Variants in ATG7 observed in about 807,000 individuals in gnomAD.
The protein encoded by ATG7 is autophagy related 7.
In ATG7, 70 loss-of-function variants were observed where a neutral mutation model predicts 82.4. The observed-to-expected ratio is 0.85, with a 90% CI of 0.70 to 1.04. The LOEUF is 1.04. Ranked by LOEUF, ATG7 falls within the 50% of genes least tolerant of loss-of-function variation. ATG7 has a pLI of 0.00. For missense variants in ATG7, 792 were observed against 864.3 expected, an observed-to-expected ratio of 0.92 and a Z score of 1.05; for synonymous variants, 287 against 313.0, an observed-to-expected ratio of 0.92 and a Z score of 0.88.
intron 20 of ATG7, among the ~76,000 whole-genome samples, chr3:11,478,418 C>G (rs1452335294): frequency 1.3e-5 from 2 of 152,084 alleles, no homozygotes; most frequent in African/African-American, 4.8e-5. Flanking sequence ...AGGACAAGGT[C>G]CTGAAGAGAT....
At chr3:11,356,716 T>A (rs1367367443) in intron 14 of ATG7, among the ~76,000 whole-genome samples, 1 of 152,208 alleles carries the variant, frequency 6.6e-6, no homozygotes, top group Non-Finnish European at 1.5e-5. Context: ...GTCAGTAAGG[T>A]ATTGCAGGTA....
intron 9 of ATG7, among the ~76,000 whole-genome samples, chr3:11,317,648 A>C (rs935163656): frequency 6.3e-5 from 9 of 142,896 alleles, no homozygotes; most frequent in Non-Finnish European, 1.0e-4. Flanking sequence ...GCTGAAGTAC[A>C]GTGGCACGAT....
intron 18 of ATG7, among the ~76,000 whole-genome samples, chr3:11,365,404 A>T (rs2152819194): frequency 6.6e-6 from 1 of 152,348 alleles, no homozygotes; most frequent in Middle Eastern, 3.4e-3. Context: ...GGGAGTAAAA[A>T]GAAAAAGGCA....
chr3:11,514,777 A>C (rs2092211232), intron 20 of ATG7, among the ~76,000 whole-genome samples: 1 of 152,220 alleles, frequency 6.6e-6, no homozygotes, highest in Admixed American at 6.5e-5. Context: ...CACAAGGAGA[A>C]AAGAAAGAGA....
chr3:11,562,767 G>C, the ATG7 span, among the ~76,000 whole-genome samples: 3 of 152,284 alleles, frequency 2.0e-5, no homozygotes, highest in African/African-American at 7.2e-5. Context: ...TGACAGCTCC[G>C]GTCAGGGCCA....
intron 20 of ATG7, among the ~76,000 whole-genome samples, chr3:11,478,908 T>G (rs2088575252): frequency 1.3e-5 from 2 of 151,990 alleles, no homozygotes; most frequent in East Asian, 3.9e-4. Context: ...ATATTTAAGC[T>G]CTGGGTAACT....
At chr3:11,461,667 C>A (rs1205659874) in intron 20 of ATG7, among the ~76,000 whole-genome samples, 1 of 152,046 alleles carries the variant, frequency 6.6e-6, no homozygotes, top group Admixed American at 6.6e-5. Context: ...TAATTAACCC[C>A]CAGAAACAGA....
chr3:11,547,012 G>A (rs1021872213), intron 20 of ATG7, among the ~76,000 whole-genome samples: 7 of 152,330 alleles, frequency 4.6e-5, no homozygotes, highest in Admixed American at 1.3e-4. Flanking sequence ...CTGTCCTTTC[G>A]GCTGCCCAGG....
chr3:11,381,821 C>T (rs924463999), intron 19 of ATG7, among the ~76,000 whole-genome samples: 1 of 152,184 alleles, frequency 6.6e-6, no homozygotes, highest in Admixed American at 6.5e-5. Context: ...TTCATTGGTG[C>T]ACGTATTTCC....
chr3:11,513,113 T>C (rs1312606851), intron 20 of ATG7, among the ~76,000 whole-genome samples: 2 of 152,208 alleles, frequency 1.3e-5, no homozygotes, highest in Non-Finnish European at 2.9e-5. Context: ...GATTGGTGTA[T>C]TTACAATCCC....
intron 14 of ATG7, among the ~76,000 whole-genome samples, chr3:11,354,523 C>T (rs1196502846): frequency 1.3e-5 from 2 of 151,888 alleles, no homozygotes; most frequent in Non-Finnish European, 2.9e-5. Context: ...GTGGCGCACA[C>T]CTGTACTCTC....
intron 20 of ATG7, among the ~76,000 whole-genome samples, chr3:11,439,922 C>G (rs933998812): frequency 6.6e-6 from 1 of 152,100 alleles, no homozygotes; most frequent in African/African-American, 2.4e-5. Flanking sequence ...GACTATTATC[C>G]CATTTTATGG....
intron 19 of ATG7, among the ~76,000 whole-genome samples, chr3:11,393,462 T>C (rs2078977250): frequency 6.6e-6 from 1 of 152,204 alleles, no homozygotes; most frequent in Non-Finnish European, 1.5e-5. Flanking sequence ...GCATTCATAC[T>C]GTGTATTCAG....
rs1553668928 is a variant in ATG7, at chr3:11,442,739, C to CCAAAAAAAAAA, written c.2079+15813_2079+15814insCAAAAAAAAAA. Among the ~76,000 whole-genome samples, 650 of 69,246 alleles carry CCAAAAAAAAAA rather than the reference C, an allele frequency of 9.4e-3. 165 individuals are homozygous for CCAAAAAAAAAA. The highest frequency in any genetic ancestry group is 0.013 in the Non-Finnish European group (508 of 39,780). The allele number at this position is 69,246 out of a possible 152,430, so 45.4% of individuals were successfully genotyped here. A position where few individuals can be genotyped will look rare whatever the true frequency, so the allele number is the denominator to read the frequency against. ...GCAGCATAGTGAGACTCCATCTCTA[C>CCAAAAAAAAAA]AAAAAAAAAAAAAAAAAAAAAAAAA... is the stretch of plus-strand genomic sequence containing the variant. On this transcript the variant is annotated intron_variant, in intron 20 of 20. Coordinates refer to ENST00000693202, the MANE Select transcript of ATG7 (RefSeq NM_001349232.2).
At chr3:11,411,153 G>A (rs75648188) in intron 19 of ATG7, among the ~76,000 whole-genome samples, 10 of 152,182 alleles carry the variant, frequency 6.6e-5, no homozygotes, top group African/African-American at 2.4e-4. Context: ...ATGTATGTGA[G>A]GTGGGGTCTC....
At chr3:11,426,535 T>G (rs930998900) in intron 19 of ATG7, among the ~76,000 whole-genome samples, 1 of 152,182 alleles carries the variant, frequency 6.6e-6, no homozygotes, top group Non-Finnish European at 1.5e-5. Flanking sequence ...CTCCTAACTT[T>G]TCTAGAATTT....
At chr3:11,436,509 G>GCCCT (rs1190881152) in intron 20 of ATG7, among the ~76,000 whole-genome samples, 1 of 152,208 alleles carries the variant, frequency 6.6e-6, no homozygotes, top group African/African-American at 2.4e-5. Context: ...CTATAGGGTA[G>GCCCT]CCCTGTTCCA....
intron 20 of ATG7, among the ~76,000 whole-genome samples, chr3:11,545,887 G>A (rs891228029): frequency 1.1e-4 from 16 of 146,886 alleles, no homozygotes; most frequent in African/African-American, 1.7e-4. Flanking sequence ...ATTGTTTCCC[G>A]GAGGCATTTT....
chr3:11,395,304 A>T (rs1249468332), intron 19 of ATG7, among the ~76,000 whole-genome samples: 2 of 152,246 alleles, frequency 1.3e-5, no homozygotes, highest in African/African-American at 2.4e-5. Flanking sequence ...AAAAAAAGAA[A>T]TAATGGTTCT....
Sources: gnomAD v4.1 joint callset for allele counts (sites outside exome capture counted in the v4.1 genomes callset) on GRCh38, gnomAD v4.1.1 for gene constraint, MANE v1.5 for transcripts, NCBI Gene and HGNC (gene_info 2026-07-23, HGNC 2026-07-21) for gene names.